Variants in MALRD1 observed in about 807,000 individuals in gnomAD.
The protein encoded by MALRD1 is MAM and LDL-receptor class A domain-containing protein 1.
A neutral mutation model predicts 242.1 loss-of-function variants in MALRD1; 247 were observed. The ratio of observed to expected loss-of-function variants is 1.02; its 90% confidence interval spans 0.92 to 1.13. MALRD1 has a LOEUF of 1.13. Ranked by LOEUF, MALRD1 falls within the 50% of genes most tolerant of loss-of-function variation. The pLI is 0.00. For missense variants in MALRD1, 2,989 were observed against 2,533.1 expected, an observed-to-expected ratio of 1.18 and a Z score of -3.86; for synonymous variants, 995 against 866.6, an observed-to-expected ratio of 1.15 and a Z score of -2.60.
intron 29 of MALRD1, among the ~76,000 whole-genome samples, chr10:19,452,055 A>G (rs981383177): frequency 6.6e-6 from 1 of 152,222 alleles, no homozygotes; most frequent in Non-Finnish European, 1.5e-5. Context: ...TAACTTTCCA[A>G]GTAATATGTT....
At chr10:19,647,446 A>T (rs1840705982) in intron 36 of MALRD1, among the ~76,000 whole-genome samples, 2 of 152,164 alleles carry the variant, frequency 1.3e-5, no homozygotes, top group Non-Finnish European at 2.9e-5. Flanking sequence ...AGTGACTGTT[A>T]CAAATGGGCT....
At chr10:19,167,500 T>C (rs1054807286) in intron 13 of MALRD1, among the ~76,000 whole-genome samples, 1 of 152,142 alleles carries the variant, frequency 6.6e-6, no homozygotes, top group African/African-American at 2.4e-5. Context: ...GAGATAAATA[T>C]AGAGGTTAAA....
intron 4 of MALRD1, 119 bp from the exon 5 acceptor site, chr10:19,103,860 C>G (rs1836369058): frequency 2.0e-6 from 1 of 492,666 alleles, no homozygotes; most frequent in African/African-American, 2.0e-5. Context: ...GCATGGTCAC[C>G]CAAGTGCTTC....
intron 29 of MALRD1, among the ~76,000 whole-genome samples, chr10:19,460,152 G>A (rs10827480): frequency 0.82 from 123,862 of 151,976 alleles, 50,654 homozygotes; most frequent in East Asian, 1. Flanking sequence ...TATCAAGAAG[G>A]CTCCTACTTT....
rs1480601421 is a variant in MALRD1 at position 19,351,577 on chromosome 10, A to C, written c.4150-429A>C. Among the ~76,000 whole-genome samples the C allele has an allele frequency of 2.0e-5, 3 of 152,150 alleles. No individual in the cohort carries two copies. In the East Asian group the frequency reaches 5.8e-4, roughly 29 times the overall value. On this transcript the variant is annotated intron_variant, in intron 25 of 39. Coordinates refer to ENST00000454679, the MANE Select transcript of MALRD1 (RefSeq NM_001142308.3). ...GTGGAATAAGCAAAAGAAGAAAATA[A>C]AATAATTTAAGTTTCATGAGATTAA...
chr10:19,288,688 C>T (rs1027221484), intron 21 of MALRD1, among the ~76,000 whole-genome samples: 7 of 152,068 alleles, frequency 4.6e-5, no homozygotes, highest in South Asian at 2.1e-4. Flanking sequence ...CCAAGTCCTG[C>T]GAGATCCCAT....
chr10:19,699,362 T>C (rs1833517683), intron 38 of MALRD1, among the ~76,000 whole-genome samples: 1 of 148,778 alleles, frequency 6.7e-6, no homozygotes, highest in Admixed American at 6.6e-5. Context: ...GTCTCAGTTA[T>C]GCAGATCCAC....
chr10:19,668,082 G>C (rs550882552), intron 36 of MALRD1, among the ~76,000 whole-genome samples: 68 of 152,250 alleles, frequency 4.5e-4, no homozygotes, highest in African/African-American at 1.6e-3. Flanking sequence ...ACCTCCCAAA[G>C]ACCCCACCTC....
At chr10:19,150,373 C>T (rs2131453373) in intron 11 of MALRD1, among the ~76,000 whole-genome samples, 1 of 152,066 alleles carries the variant, frequency 6.6e-6, no homozygotes, top group East Asian at 1.9e-4. Context: ...TGCACACGAT[C>T]GGTCCTTACA....
At chr10:19,384,097 C>T (rs1845952171) in intron 26 of MALRD1, among the ~76,000 whole-genome samples, 1 of 151,084 alleles carries the variant, frequency 6.6e-6, no homozygotes, top group Admixed American at 6.7e-5. Context: ...TTGTGGTTTG[C>T]ATTTGCATTC....
At chr10:19,315,636 TTATATAAA>T (rs1282448438) in intron 21 of MALRD1, among the ~76,000 whole-genome samples, 1 of 127,614 alleles carries the variant, frequency 7.8e-6, no homozygotes, top group African/African-American at 3.0e-5. Flanking sequence ...TAAATATTAT[TTATATAAA>T]TATATAAATA....
chr10:19,279,394 A>T (rs1226793273), intron 19 of MALRD1, among the ~76,000 whole-genome samples: 1 of 152,144 alleles, frequency 6.6e-6, no homozygotes, highest in Non-Finnish European at 1.5e-5. Context: ...TTCAGGTTTA[A>T]TATTTAACTT....
rs143291457 is a variant in MALRD1, at chr10:19,505,314, A to G, written c.5320+6668A>G. On this transcript the variant is annotated intron_variant, in intron 31 of 39. Transcript: ENST00000454679. The stretch of plus-strand genomic sequence containing the variant: ...AGGTTGAAGTGCTAATCCTAGTGTG[A>G]CTATTTGGAGATACGGTCTTTAAGT... Among the ~76,000 whole-genome samples, 388 of 152,256 alleles carry G rather than the reference A, an allele frequency of 2.5e-3. 3 individuals carry two copies. The highest frequency in any genetic ancestry group is 9.0e-3 in the African/African-American group (375 of 41,556).
At chr10:19,556,157 G>A (rs2131421604) in intron 32 of MALRD1, among the ~76,000 whole-genome samples, 1 of 152,244 alleles carries the variant, frequency 6.6e-6, no homozygotes, top group Admixed American at 6.5e-5. Flanking sequence ...GGAAAACTGA[G>A]TGGAAAGAAC....
intron 18 of MALRD1, among the ~76,000 whole-genome samples, chr10:19,226,810 G>T (rs1275326058): frequency 6.6e-6 from 1 of 151,942 alleles, no homozygotes; most frequent in African/African-American, 2.4e-5. Flanking sequence ...GGTATGAAGT[G>T]AATTTAACAA....
intron 28 of MALRD1, 95 bp downstream of exon 28, chr10:19,389,704 GTCATGGCTTACTGCAGCCTC>G: frequency 7.5e-7 from 1 of 1,331,202 alleles, no homozygotes; most frequent in Non-Finnish European, 1.0e-6. Flanking sequence ...CAGTGGTGCA[GTCATGGCTTACTGCAGCCTC>G]CAACTCCTGG....
intron 38 of MALRD1, among the ~76,000 whole-genome samples, chr10:19,705,804 T>TAAAAAAAAAAAAAAAAAAAAAAA (rs61437328): frequency 9.7e-6 from 1 of 102,860 alleles, no homozygotes; most frequent in African/African-American, 4.8e-5. Flanking sequence ...CCTGCAATAG[T>TAAAAAAAAAAAAAAAAAAAAAAA]AAAAAAAAAA....
intron 38 of MALRD1, among the ~76,000 whole-genome samples, chr10:19,721,074 T>TA (rs918038309): frequency 1.5e-4 from 22 of 150,822 alleles, no homozygotes; most frequent in East Asian, 3.9e-4. Flanking sequence ...GAGATGAAGT[T>TA]AAAAAAAAAG....
At chr10:19,157,660 T>C (rs987604911) in intron 12 of MALRD1, among the ~76,000 whole-genome samples, 5 of 152,186 alleles carry the variant, frequency 3.3e-5, no homozygotes, top group Admixed American at 6.5e-5. Context: ...ATAATAGTGC[T>C]TTCATGGAAC....
Sources: gnomAD v4.1 joint callset for allele counts (sites outside exome capture counted in the v4.1 genomes callset) on GRCh38, gnomAD v4.1.1 for gene constraint, MANE v1.5 for transcripts, NCBI Gene and HGNC (gene_info 2026-07-23, HGNC 2026-07-21) for gene names.